The following PCDHGA10 variants were observed in gnomAD, a reference collection of about 807,000 sequenced individuals.
PCDHGA10 encodes the protein protocadherin gamma subfamily A, 10.
A neutral mutation model predicts 59.5 loss-of-function variants in PCDHGA10; 42 were observed. The ratio of observed to expected loss-of-function variants is 0.71; its 90% CI spans 0.55 to 0.91. The LOEUF (loss-of-function observed/expected upper bound fraction) is 0.91. PCDHGA10 is among the 40% of genes least tolerant of loss of function. The pLI, the probability that PCDHGA10 is intolerant of heterozygous loss-of-function variation, is 0.00. For missense variants in PCDHGA10, 1,111 were observed against 1,198.2 expected, an observed-to-expected ratio of 0.93 and a Z score of 1.07; for synonymous variants, 511 against 517.2, an observed-to-expected ratio of 0.99 and a Z score of 0.16.
At chr5:141,507,262 G>A (rs1294679320) in intron 3 of PCDHGA10, 6 of 151,748 alleles carry the variant, frequency 4.0e-5, no homozygotes, top group Non-Finnish European at 8.8e-5. Flanking sequence ...TAAACAGCAA[G>A]TACTATTTCA....
intron 1 of PCDHGA10, chr5:141,419,942 G>A: frequency 6.2e-7 from 1 of 1,614,070 alleles, no homozygotes. Context: ...CCTGGTGGTG[G>A]CCTTGGCCTT....
At chr5:141,420,334 T>A in intron 1 of PCDHGA10, 1 of 1,402,910 alleles carries the variant, frequency 7.1e-7, no homozygotes, top group Non-Finnish European at 9.5e-7. Context: ...TATATTCCAA[T>A]ATAGTGGTAT....
chr5:141,512,262 C>G lies in PCDHGA10; in HGVS notation c.*1089C>G, dbSNP rs925517361. On this transcript the variant is annotated 3_prime_UTR_variant, in exon 4 of 4. Transcript: ENST00000398610. ...GAGGGGCCTCTGTGGGTGCTGGGTA[C>G]TCCAGAGGTGCCACTGGTGGAAGGG... 1 of 152,712 alleles carries G rather than the reference C, an allele frequency of 6.5e-6. No homozygotes were observed. The highest frequency in any genetic ancestry group is 2.4e-5 in the African/African-American group (1 of 41,452). 9.5% of individuals were successfully genotyped at this position (152,712 alleles called of 1,614,324 possible).
chr5:141,508,829 C>G (rs370074494), intron 3 of PCDHGA10, among the ~76,000 whole-genome samples: 10 of 152,240 alleles, frequency 6.6e-5, no homozygotes, highest in Middle Eastern at 3.4e-3. Context: ...TCTGGGCCCC[C>G]CTCCCCTACC....
intron 1 of PCDHGA10, chr5:141,418,282 A>G (rs1209026046): frequency 6.2e-7 from 1 of 1,614,030 alleles, no homozygotes; most frequent in Admixed American, 1.7e-5. Flanking sequence ...TAAACTTAGA[A>G]ATCAGTGAAT....
At chr5:141,465,742 A>G (rs1425097489) in intron 1 of PCDHGA10, among the ~76,000 whole-genome samples, 1 of 151,214 alleles carries the variant, frequency 6.6e-6, no homozygotes, top group Non-Finnish European at 1.5e-5. Flanking sequence ...TGTTTTCAGG[A>G]TCAGACTGGT....
rs2095777962 is a variant in PCDHGA10, at chr5:141,414,692, C to T, written c.1517C>T (p.Ser506Phe). Residue 506 changes from serine (S) to phenylalanine (F), a missense_variant, in exon 1 of 4, where the codon TCC becomes TTC. Physicochemically the swap from Ser to Phe is radical, Grantham distance 155 (BLOSUM62 -2). Transcript: ENST00000398610. ...AEDTIQGVPL[S>F]SYISINSDTG... The stretch of plus-strand genomic sequence containing the variant: ...GACACCATCCAGGGGGTACCTCTGT[C>T]CTCATACATATCCATCAACTCAGAC... The T allele has an allele frequency of 6.2e-7, 1 of 1,613,918 alleles. No individual in the cohort carries two copies. The highest frequency in any genetic ancestry group is 1.3e-5 in the African/African-American group (1 of 74,916).
chr5:141,504,550 G>A (rs944574179), intron 2 of PCDHGA10, among the ~76,000 whole-genome samples: 2 of 151,586 alleles, frequency 1.3e-5, no homozygotes, highest in Non-Finnish European at 2.9e-5. Context: ...GCAAATGTTG[G>A]GGGACTGGCA....
Position 141,476,278 on chromosome 5 carries a change from T to C in PCDHGA10, c.2437-18529T>C, listed in dbSNP as rs746655724. On this transcript the variant is annotated intron_variant, in intron 1 of 3. Transcript: ENST00000398610. The surrounding 1 kb of genome is among the most constrained non-coding windows in gnomAD (Gnocchi z 7.6). ...CTGTGGGCAACGTGGTCGCGAACCTTGGTTTGGATCTCGGTAGCCTCTCAG... is the reference window on the plus strand; with the variant it reads ...CTGTGGGCAACGTGGTCGCGAACCTCGGTTTGGATCTCGGTAGCCTCTCAG... The C allele has an allele frequency of 3.2e-5, 52 of 1,613,758 alleles. No homozygotes were observed. Among genetic ancestry groups the C allele is most frequent in the Non-Finnish European group, 4.2e-5 (49 of 1,179,958 alleles).
chr5:141,418,085 A>C lies in PCDHGA10; in HGVS notation c.2436+2474A>C, dbSNP rs1235378254. On this transcript the variant is annotated intron_variant, in intron 1 of 3. Transcript: ENST00000398610. The stretch of plus-strand genomic sequence containing the variant: ...AGTGAGCGCGGAGAAGCTGCACTTC[A>C]GCGTAGACGCGCAGAGCGGGGACTT... The C allele has an allele frequency of 2.5e-6, 4 of 1,613,936 alleles. No homozygotes were observed. The highest frequency in any genetic ancestry group is 3.4e-6 in the Non-Finnish European group (4 of 1,179,908).
Position 141,487,503 on chromosome 5 carries a change from C to T in PCDHGA10, c.2437-7304C>T. On this transcript the variant is annotated intron_variant, in intron 1 of 3. Transcript: ENST00000398610. The surrounding 1 kb of genome is among the most constrained non-coding windows in gnomAD (Gnocchi z 5.0). The stretch of plus-strand genomic sequence containing the variant: ...TCTCATGGCTGTACACCCTTGGCTT[C>T]TGCACCCACTCGGAGTGATAGCTTC... 1 of 1,614,220 alleles carries T rather than the reference C, an allele frequency of 6.2e-7. No homozygotes were observed. Among genetic ancestry groups the T allele is most frequent in the Non-Finnish European group, 8.5e-7 (1 of 1,180,042 alleles).
In PCDHGA10 at chr5:141,490,507, G is replaced by C; in HGVS notation, c.2437-4300G>C. 1 of 1,614,016 alleles carries C rather than the reference G, an allele frequency of 6.2e-7. No individual in the cohort carries two copies. Among genetic ancestry groups the C allele is most frequent in the Non-Finnish European group, 8.5e-7 (1 of 1,180,002 alleles). On this transcript the variant is annotated intron_variant, in intron 1 of 3. Transcript: ENST00000398610. The surrounding 1 kb of genome is among the most constrained non-coding windows in gnomAD (Gnocchi z 5.4). ...GGAGGCCACATCCCACTATATCATCGAGCTGCTGGCCAGCGATGCTGGTTC... is the reference window on the plus strand; with the variant it reads ...GGAGGCCACATCCCACTATATCATCCAGCTGCTGGCCAGCGATGCTGGTTC...
rs186484297 is a variant in PCDHGA10 at position 141,453,739 on chromosome 5, A to G, written c.2436+38128A>G. ...TAAAAATATTTGTTACTACAGCTTA[A>G]ATAACATAAGTCTCCTAAAAATAAT... On this transcript the variant is annotated intron_variant, in intron 1 of 3. Coordinates refer to ENST00000398610, the MANE Select transcript of PCDHGA10 (RefSeq NM_018913.3). Among the ~76,000 whole-genome samples, 2 of 152,370 alleles carry G rather than the reference A, an allele frequency of 1.3e-5. 1 individual carries two copies. Among genetic ancestry groups the G allele is most frequent in the Admixed American group, 1.3e-4 (2 of 15,300 alleles).
At chr5:141,447,280 C>T (rs2098533193) in intron 1 of PCDHGA10, among the ~76,000 whole-genome samples, 1 of 152,172 alleles carries the variant, frequency 6.6e-6, no homozygotes, top group Non-Finnish European at 1.5e-5. Context: ...GCTGGGACTA[C>T]AGGCACATGC....
At chr5:141,435,941 A>G (rs1354198135) in intron 1 of PCDHGA10, among the ~76,000 whole-genome samples, 1 of 152,170 alleles carries the variant, frequency 6.6e-6, no homozygotes, top group Non-Finnish European at 1.5e-5. Flanking sequence ...TGCTTCTGAG[A>G]CCAAAAAAGG....
chr5:141,421,400 G>A (rs2096569762), intron 1 of PCDHGA10: 1 of 1,614,060 alleles, frequency 6.2e-7, no homozygotes, highest in Non-Finnish European at 8.5e-7. Context: ...CTGGAGCCCC[G>A]GGAGCTGGCG....
In PCDHGA10 at chr5:141,421,687, G is replaced by C. The variant is rs763146085; in HGVS notation, c.2436+6076G>C. On this transcript the variant is annotated intron_variant, in intron 1 of 3. Coordinates refer to ENST00000398610, the MANE Select transcript of PCDHGA10 (RefSeq NM_018913.3). ...GCACGCAATTCCTGGGGCGCGATTT[G>C]CTCTTCCTAATGCTAGGGATCCAGA... 1.3e-5 allele frequency: 21 copies of C among 1,613,788 alleles called. No individual in the cohort carries two copies. Among genetic ancestry groups the C allele is most frequent in the Non-Finnish European group, 1.8e-5 (21 of 1,179,860 alleles).
At position 141,487,215 on chromosome 5, in the gene PCDHGA10, C is replaced by G. The variant is rs1248989099; in HGVS notation, c.2437-7592C>G. 4 of 1,613,850 alleles carry G rather than the reference C, an allele frequency of 2.5e-6. No homozygotes were observed. Among genetic ancestry groups the G allele is most frequent in the East Asian group, 4.5e-5 (2 of 44,882 alleles). The stretch of plus-strand genomic sequence containing the variant: ...GTCCCAGATCTTCGAGAATCTTCAG[C>G]TCCAAGGGAAGGAGAATCTCGTCTA... On this transcript the variant is annotated intron_variant, in intron 1 of 3. Coordinates refer to ENST00000398610, the MANE Select transcript of PCDHGA10 (RefSeq NM_018913.3). This position sits in a 1 kb window ranked among gnomAD's most constrained non-coding sequence, Gnocchi z 5.0.
intron 1 of PCDHGA10, among the ~76,000 whole-genome samples, chr5:141,465,984 T>C (rs11953841): frequency 0.18 from 27,399 of 151,848 alleles, 2,640 homozygotes; most frequent in Admixed American, 0.28. Context: ...TAGCCGGGCA[T>C]GGTGGCAGGC....
Sources: gnomAD v4.1 joint callset for allele counts (sites outside exome capture counted in the v4.1 genomes callset) on GRCh38, gnomAD v4.1.1 for gene constraint, Gnocchi (gnomAD v3.1) non-coding constraint, MANE v1.5 for transcripts, NCBI Gene and HGNC (gene_info 2026-07-23, HGNC 2026-07-21) for gene names.